The following AFG1L variants were observed in gnomAD, a reference collection of about 807,000 sequenced individuals.
AFG1L encodes the protein AFG1-like ATPase.
A neutral mutation model predicts 62.2 loss-of-function variants in AFG1L; 53 were observed. That is an observed-to-expected ratio of 0.85 (90% CI 0.68 to 1.07). The LOEUF (loss-of-function observed/expected upper bound fraction) is 1.07, where lower values mean the gene tolerates loss of function less well. AFG1L is among the 50% of genes least tolerant of loss of function. The probability of loss-of-function intolerance (pLI) is 0.00; values close to 1 mark genes in which losing one functional copy is unlikely to be tolerated. For missense variants in AFG1L, 555 were observed against 590.5 expected (o/e 0.94, Z 0.62); for synonymous variants, 228 against 210.3 (o/e 1.08, Z -0.73).
At chr6:108,373,800 A>G (rs1242268620) in intron 6 of AFG1L, among the ~76,000 whole-genome samples, 1 of 151,672 alleles carries the variant, frequency 6.6e-6, no homozygotes, top group Non-Finnish European at 1.5e-5. Flanking sequence ...CTGGTCTCGA[A>G]CTCCTGACAT....
chr6:108,343,749 G>A (rs1422500991), intron 2 of AFG1L, among the ~76,000 whole-genome samples: 1 of 152,156 alleles, frequency 6.6e-6, no homozygotes, highest in Non-Finnish European at 1.5e-5. Flanking sequence ...AGAAGTTTTG[G>A]CAGGAGTAGA....
chr6:108,346,074 A>G (rs1778852777), intron 2 of AFG1L, among the ~76,000 whole-genome samples: 1 of 152,006 alleles, frequency 6.6e-6, no homozygotes, highest in South Asian at 2.1e-4. Context: ...GTGACTGTGA[A>G]CCCCTCGCTG....
chr6:108,326,181 C>T (rs933225523), intron 2 of AFG1L, among the ~76,000 whole-genome samples: 1 of 152,148 alleles, frequency 6.6e-6, no homozygotes, highest in Non-Finnish European at 1.5e-5. Context: ...AGTGATTCTC[C>T]TCCCGCAGCC....
At chr6:108,408,627 T>C (rs754685979) in intron 7 of AFG1L, among the ~76,000 whole-genome samples, 2 of 152,192 alleles carry the variant, frequency 1.3e-5, no homozygotes, top group African/African-American at 2.4e-5. Flanking sequence ...CTGATTTTTT[T>C]CCCTCATATC....
At chr6:108,492,087 A>G (rs1773798751) in intron 10 of AFG1L, among the ~76,000 whole-genome samples, 1 of 152,230 alleles carries the variant, frequency 6.6e-6, no homozygotes, top group Non-Finnish European at 1.5e-5. Context: ...GCTATTCTAA[A>G]GCCTTTTCTC....
intron 10 of AFG1L, among the ~76,000 whole-genome samples, chr6:108,480,643 T>G (rs989524506): frequency 3.3e-5 from 5 of 151,924 alleles, no homozygotes. Context: ...ACTAAAAATA[T>G]AGAAATTAGC....
intron 2 of AFG1L, among the ~76,000 whole-genome samples, chr6:108,330,384 C>T (rs1171317828): frequency 1.3e-5 from 2 of 152,048 alleles, no homozygotes; most frequent in African/African-American, 2.4e-5. Context: ...CCATGTTGGC[C>T]AGGCTGGTCT....
chr6:108,372,117 A>G (rs758760559), intron 6 of AFG1L, among the ~76,000 whole-genome samples: 9 of 151,678 alleles, frequency 5.9e-5, no homozygotes, highest in Non-Finnish European at 1.0e-4. Flanking sequence ...GTATATATAT[A>G]TATATTTCAC....
At chr6:108,433,069 G>A (rs1771143877) in intron 7 of AFG1L, among the ~76,000 whole-genome samples, 1 of 152,190 alleles carries the variant, frequency 6.6e-6, no homozygotes, top group Non-Finnish European at 1.5e-5. Flanking sequence ...TCTTTGTTAT[G>A]AGGAAATCCT....
At chr6:108,375,614 T>A (rs1329929971) in intron 6 of AFG1L, among the ~76,000 whole-genome samples, 1 of 152,226 alleles carries the variant, frequency 6.6e-6, no homozygotes, top group Admixed American at 6.5e-5. Flanking sequence ...TCTGTCTATG[T>A]GGTGAATCAC....
chr6:108,502,974 A>G (rs932878591), intron 10 of AFG1L, among the ~76,000 whole-genome samples: 4 of 152,208 alleles, frequency 2.6e-5, no homozygotes, highest in African/African-American at 9.7e-5. Context: ...TTTCTCATCC[A>G]TAAGAAGCAA....
intron 2 of AFG1L, among the ~76,000 whole-genome samples, chr6:108,330,259 A>T (rs762412764): frequency 1.4e-4 from 20 of 145,720 alleles, no homozygotes; most frequent in Non-Finnish European, 2.5e-4. Flanking sequence ...AGCTCATGGC[A>T]GCCTCCCCCG....
intron 7 of AFG1L, among the ~76,000 whole-genome samples, chr6:108,435,634 T>C (rs1049620074): frequency 3.3e-5 from 5 of 152,126 alleles, no homozygotes; most frequent in Non-Finnish European, 4.4e-5. Context: ...TTTCCTCATA[T>C]AGACTCGAGT....
intron 1 of AFG1L, among the ~76,000 whole-genome samples, chr6:108,304,801 A>G (rs536240504): frequency 2.8e-4 from 42 of 152,300 alleles, no homozygotes; most frequent in African/African-American, 7.2e-4. Flanking sequence ...CCTTTATTCC[A>G]TAACTGTTAC....
intron 6 of AFG1L, among the ~76,000 whole-genome samples, chr6:108,377,378 G>A (rs1158967890): frequency 6.6e-6 from 1 of 152,084 alleles, no homozygotes; most frequent in East Asian, 1.9e-4. Flanking sequence ...GTGGTAGCAG[G>A]TATCATTCTT....
At chr6:108,499,013 ACTAT>A (rs1774081252) in intron 10 of AFG1L, among the ~76,000 whole-genome samples, 1 of 152,056 alleles carries the variant, frequency 6.6e-6, no homozygotes, top group Non-Finnish European at 1.5e-5. Context: ...TTTGAATAAA[ACTAT>A]CAAATAAAAT....
chr6:108,389,206 C>T (rs1055230195), intron 6 of AFG1L, among the ~76,000 whole-genome samples: 46 of 151,916 alleles, frequency 3.0e-4, no homozygotes, highest in Admixed American at 2.8e-3. Context: ...CAACCCCTGC[C>T]TTTTTTTGTT....
At chr6:108,413,692 C>T (rs1308933712) in intron 7 of AFG1L, among the ~76,000 whole-genome samples, 1 of 152,108 alleles carries the variant, frequency 6.6e-6, no homozygotes, top group African/African-American at 2.4e-5. Flanking sequence ...AAAATGAAGG[C>T]AGAAATAAAG....
chr6:108,355,899 G>C (rs1779270329), intron 4 of AFG1L, 144 bp downstream of exon 4: 2 of 649,918 alleles, frequency 3.1e-6, no homozygotes, highest in African/African-American at 3.7e-5. Context: ...TTTGTGCTAT[G>C]TTGAAACAGT....
Sources: allele counts gnomAD v4.1 joint callset (sites outside exome capture counted in the v4.1 genomes callset), GRCh38; gene constraint gnomAD v4.1.1; transcripts MANE v1.5; gene names NCBI Gene and HGNC (gene_info 2026-07-23, HGNC 2026-07-21).